Variants in DNPEP observed in about 807,000 individuals in gnomAD.
The protein encoded by DNPEP is aspartyl aminopeptidase.
DNPEP carries 46 observed loss-of-function variants against 59.1 expected under a neutral mutation model. That is an observed-to-expected ratio of 0.78 (90% confidence interval 0.61 to 0.99). The LOEUF (loss-of-function observed/expected upper bound fraction) is 0.99, where lower values mean the gene tolerates loss of function less well. DNPEP is among the 50% of genes least tolerant of loss of function. DNPEP has a pLI of 0.00. For missense variants in DNPEP, 617 were observed against 649.9 expected (o/e 0.95, Z 0.55); for synonymous variants, 229 against 242.2 (o/e 0.95, Z 0.50).
chr2:219,387,302 A>C, intron 1 of DNPEP, 139 bp from the exon 2 acceptor site: 1 of 1,448,170 alleles, frequency 6.9e-7, no homozygotes, highest in Non-Finnish European at 9.1e-7. Context: ...GTCCCCACCG[A>C]GAGACCCAAA....
chr2:219,387,404 C>CGAACT (rs1219760583), intron 1 of DNPEP: 2 of 1,438,574 alleles, frequency 1.4e-6, no homozygotes, highest in Admixed American at 5.8e-5. Context: ...GCCCGACTCC[C>CGAACT]TAAGTCCCGC....
upstream of DNPEP, among the ~76,000 whole-genome samples, chr2:219,392,774 T>G (rs899620744): frequency 2.0e-5 from 3 of 152,196 alleles, no homozygotes; most frequent in Non-Finnish European, 4.4e-5. Flanking sequence ...CCTCCCAAAG[T>G]GCTGGGATTA....
rs754495443 is a variant in DNPEP, at chr2:219,387,806, G to C, written c.-12C>G. The stretch of plus-strand genomic sequence containing the variant: ...CTGTGTCCGCTCATCTGGCCTCCGG[G>C]CTCGGCCCGCCCCCACCGCGCCGCC... On this transcript the variant is annotated 5_prime_UTR_variant, in exon 1 of 15. Transcript: ENST00000273075. 1 of 1,580,072 alleles carries C rather than the reference G, an allele frequency of 6.3e-7. No individual in the cohort carries two copies. Among genetic ancestry groups the C allele is most frequent in the Non-Finnish European group, 8.6e-7 (1 of 1,165,258 alleles).
At chr2:219,381,763 G>T in intron 11 of DNPEP, 179 bp from the exon 12 acceptor site, 1 of 879,576 alleles carries the variant, frequency 1.1e-6, no homozygotes, top group Non-Finnish European at 1.8e-6. Context: ...ATGGAAACAA[G>T]TTTGTAGACA....
chr2:219,387,370 G>A (rs1574992836), intron 1 of DNPEP: 3 of 1,440,758 alleles, frequency 2.1e-6, no homozygotes, highest in Admixed American at 2.9e-5. Context: ...CATGAGCCAG[G>A]CCCGCCCCTT....
rs1574964973 is a variant in DNPEP, at chr2:219,373,488, T to C, written c.*804A>G. The C allele has an allele frequency of 6.6e-6, 1 of 152,400 alleles. No individual in the cohort carries two copies. The highest frequency in any genetic ancestry group is 2.4e-5 in the African/African-American group (1 of 41,564). The allele number at this position is 152,400 out of a possible 1,614,324, so 9.4% of individuals were successfully genotyped here. A position where few individuals can be genotyped will look rare whatever the true frequency, so the allele number is the denominator to read the frequency against. On this transcript the variant is annotated 3_prime_UTR_variant, in exon 15 of 15. Coordinates refer to ENST00000273075, the MANE Select transcript of DNPEP (RefSeq NM_012100.4). ...TATTCTCCTGCCTCAGTCTCCTGAA[T>C]AGCTGAGATTACAGGTGTGTGCCAC...
Position 219,384,408 on chromosome 2 carries a change from A to T in DNPEP, c.810T>A (p.Ala270=), listed in dbSNP as rs763667668. 3 of 1,611,872 alleles carry T rather than the reference A, an allele frequency of 1.9e-6. No individual in the cohort carries two copies. The South Asian group carries it at 3.3e-5, about 18-fold the overall frequency. The change falls in exon 9 of 15, where the codon GCT becomes GCA. Residue 270 remains alanine (A), a synonymous_variant. Coordinates refer to ENST00000273075, the MANE Select transcript of DNPEP (RefSeq NM_012100.4). ...AGCTGTGCAGATTGTCCAGCCGAGG[A>T]GCAAAGATGAACTCATCATAGGCAC... ...LGGAYDEFIF[A]PRLDNLHSCF... is the part of the protein sequence containing the mutation.
At chr2:219,377,209 G>A (rs1288737706) in intron 13 of DNPEP, among the ~76,000 whole-genome samples, 1 of 129,126 alleles carries the variant, frequency 7.7e-6, no homozygotes, top group East Asian at 2.5e-4. Flanking sequence ...GGGAGGCGGA[G>A]GTTGCAATGA....
In DNPEP at chr2:219,374,229, G is replaced by T; in HGVS notation, c.*63C>A. On this transcript the variant is annotated 3_prime_UTR_variant, in exon 15 of 15. Transcript: ENST00000273075. ...AATCCACTTTAATAATCCAGCTTCA[G>T]CTCAGCTGAGAACTTCCCCTCTCAG... is the stretch of plus-strand genomic sequence containing the variant. 6.9e-7 allele frequency: 1 copy of T among 1,455,954 alleles called. No individual in the cohort carries two copies. Among genetic ancestry groups the T allele is most frequent in the African/African-American group, 1.4e-5 (1 of 71,542 alleles). 90.2% of individuals were successfully genotyped at this position (1,455,954 alleles called of 1,614,324 possible).
intron 8 of DNPEP, 134 bp downstream of exon 8, chr2:219,385,290 G>A (rs1298820267): frequency 6.5e-6 from 4 of 618,860 alleles, no homozygotes; most frequent in Admixed American, 2.7e-5. Context: ...AGTGGGGGAT[G>A]TGTCTACTGG....
chr2:219,379,943 TA>T (rs1413365497), intron 13 of DNPEP, among the ~76,000 whole-genome samples: 2 of 150,964 alleles, frequency 1.3e-5, no homozygotes, highest in African/African-American at 4.9e-5. Context: ...AATAAATAAA[TA>T]AATAAAGTTA....
chr2:219,373,151 C>G lies in DNPEP; in HGVS notation c.*1141G>C, dbSNP rs1254836948. 6.6e-6 allele frequency among the ~76,000 whole-genome samples: 1 copy of G among 151,964 alleles called. No homozygotes were observed. Among genetic ancestry groups the G allele is most frequent in the East Asian group, 1.9e-4 (1 of 5,188 alleles). On this transcript the variant is annotated 3_prime_UTR_variant, in exon 15 of 15. Transcript: ENST00000273075. ...TGGCAGGATCTTGGCTCACCACAAC[C>G]TCCGCCTCCTGGGTTCAAGCGATTC...
In DNPEP at chr2:219,386,268, C is replaced by T. The variant is rs773071162; in HGVS notation, c.459+18G>A. 2.2e-5 allele frequency: 35 copies of T among 1,614,016 alleles called. No individual in the cohort carries two copies. Among genetic ancestry groups the T allele is most frequent in the Non-Finnish European group, 2.9e-5 (34 of 1,180,002 alleles). ...AGTCTTCTGAGGAGGCTCCGCCATC[C>T]CCAACCTCGGTTCCCACCTTGACAA... On this transcript the variant is annotated intron_variant, in intron 5 of 14. Coordinates refer to ENST00000273075, the MANE Select transcript of DNPEP (RefSeq NM_012100.4).
At chr2:219,375,876 C>A (rs1287672433) in intron 13 of DNPEP, among the ~76,000 whole-genome samples, 7 of 151,988 alleles carry the variant, frequency 4.6e-5, no homozygotes, top group Non-Finnish European at 1.0e-4. Flanking sequence ...AAAATATGTA[C>A]TTTTTTCTTG....
At chr2:219,374,406 C>T (rs1304526879) in intron 14 of DNPEP, 64 bp from the exon 15 acceptor site, 1 of 1,406,020 alleles carries the variant, frequency 7.1e-7, no homozygotes, top group African/African-American at 1.4e-5. Flanking sequence ...GTCCTGCCAC[C>T]CACCTCCCAC....
At chr2:219,374,725 C>CTGGT (rs1302983112) in intron 14 of DNPEP, 130 bp downstream of exon 14, 2 of 1,119,868 alleles carry the variant, frequency 1.8e-6, no homozygotes, top group East Asian at 5.1e-5. Flanking sequence ...TCCTACATGG[C>CTGGT]CCCAGCATGA....
intron 12 of DNPEP, 46 bp downstream of exon 12, chr2:219,381,499 G>A: frequency 2.5e-6 from 4 of 1,613,838 alleles, no homozygotes; most frequent in Non-Finnish European, 2.5e-6. Flanking sequence ...TCGGCGCTCG[G>A]AACAGCCAGA....
chr2:219,380,747 G>A (rs1953557339), intron 13 of DNPEP, among the ~76,000 whole-genome samples: 1 of 150,526 alleles, frequency 6.6e-6, no homozygotes, highest in Admixed American at 6.7e-5. Flanking sequence ...ATGTATCCCT[G>A]TTGTTAAGCA....
upstream of DNPEP, among the ~76,000 whole-genome samples, chr2:219,390,093 G>A (rs1003433728): frequency 6.6e-6 from 1 of 152,178 alleles, no homozygotes; most frequent in African/African-American, 2.4e-5. Flanking sequence ...AAGTGAGCCG[G>A]GAGTGGTGGC....
Sources: allele counts gnomAD v4.1 joint callset (sites outside exome capture counted in the v4.1 genomes callset), GRCh38; gene constraint gnomAD v4.1.1; transcripts MANE v1.5; gene names NCBI Gene and HGNC (gene_info 2026-07-23, HGNC 2026-07-21).